HEATR5A: variants seen among roughly 807,000 people sequenced by gnomAD.
HEATR5A encodes the protein HEAT repeat-containing protein 5A.
A neutral mutation model predicts 218.8 loss-of-function variants in HEATR5A; 178 were observed. The observed-to-expected ratio is 0.81, with a 90% CI of 0.72 to 0.92. HEATR5A has a LOEUF of 0.92. Ranked by LOEUF, HEATR5A falls within the 40% of genes least tolerant of loss-of-function variation. The pLI is 0.00. For missense variants in HEATR5A, 2,420 were observed against 2,418.9 expected, an observed-to-expected ratio of 1.00 and a Z score of -0.01; for synonymous variants, 864 against 871.6, an observed-to-expected ratio of 0.99 and a Z score of 0.15.
intron 11 of HEATR5A, among the ~76,000 whole-genome samples, chr14:31,380,095 G>T (rs1339193259): frequency 6.6e-6 from 1 of 152,178 alleles, no homozygotes; most frequent in East Asian, 1.9e-4. Context: ...TATAGAACTG[G>T]ATTCCCAAGC....
At chr14:31,321,707 G>A (rs371633565) in intron 24 of HEATR5A, 27 bp from the exon 25 acceptor site, 2 of 1,476,352 alleles carry the variant, frequency 1.4e-6, no homozygotes, top group African/African-American at 1.4e-5. Flanking sequence ...CATATTGGGA[G>A]AAAAAAAGAT....
At chr14:31,360,080 T>C (rs1901567514) in intron 14 of HEATR5A, among the ~76,000 whole-genome samples, 1 of 150,368 alleles carries the variant, frequency 6.7e-6, no homozygotes, top group Non-Finnish European at 1.5e-5. Flanking sequence ...GAACATCAGG[T>C]ACCCATTCAG....
At position 31,380,586 on chromosome 14, in the gene HEATR5A, C is replaced by T; in HGVS notation, c.1597-8G>A. The T allele has an allele frequency of 6.5e-7, 1 of 1,534,608 alleles. No homozygotes were observed. Among genetic ancestry groups the T allele is most frequent in the South Asian group, 1.2e-5 (1 of 83,750 alleles). On this transcript the variant is annotated splice_region_variant and splice_polypyrimidine_tract_variant and intron_variant, in intron 10 of 35. Coordinates refer to ENST00000543095, the MANE Select transcript of HEATR5A (RefSeq NM_015473.4). ...TGCTAATGTCATAATAATCTATTTACATATAGAACAAGTTTTAAAAAAAGC... is the reference window on the plus strand; with the variant it reads ...TGCTAATGTCATAATAATCTATTTATATATAGAACAAGTTTTAAAAAAAGC...
intron 21 of HEATR5A, chr14:31,340,591 A>C: frequency 5.0e-6 from 3 of 604,178 alleles, no homozygotes; most frequent in Non-Finnish European, 7.6e-6. Context: ...TTATTATTTA[A>C]ATTGGCTTAG....
chr14:31,323,558 C>T lies in HEATR5A; in HGVS notation c.3787+7G>A, dbSNP rs1422523123. On this transcript the variant is annotated splice_region_variant and intron_variant, in intron 24 of 35. Transcript: ENST00000543095. ...TCATTTGGTGTTTTCATCACTATGT[C>T]ACTTACTTCTTGAATCTCTTTTTTT... is the stretch of plus-strand genomic sequence containing the variant. 1 of 1,581,422 alleles carries T rather than the reference C, an allele frequency of 6.3e-7. No homozygotes were observed. The highest frequency in any genetic ancestry group is 8.6e-7 in the Non-Finnish European group (1 of 1,161,996).
intron 18 of HEATR5A, among the ~76,000 whole-genome samples, chr14:31,349,196 T>G (rs1294987707): frequency 1.3e-5 from 2 of 152,034 alleles, no homozygotes; most frequent in Non-Finnish European, 1.5e-5. Context: ...GAGACCAGCC[T>G]GGCCAGCATG....
chr14:31,363,107 C>T lies in HEATR5A; in HGVS notation c.2071+1082G>A, dbSNP rs539623863. ...CAAAAAAATTAGCCAGGCATGGTAG[C>T]GCATGCCTGTAGTTCCAGCTACTCC... is the stretch of plus-strand genomic sequence containing the variant. On this transcript the variant is annotated intron_variant, in intron 14 of 35. Transcript: ENST00000543095. 7.9e-5 allele frequency among the ~76,000 whole-genome samples: 12 copies of T among 151,888 alleles called. No homozygotes were observed. The South Asian group carries it at 2.1e-3, about 26-fold the overall frequency.
chr14:31,322,619 G>A (rs184535189), intron 24 of HEATR5A, among the ~76,000 whole-genome samples: 294 of 152,086 alleles, frequency 1.9e-3, no homozygotes, highest in Non-Finnish European at 3.3e-3. Context: ...AGAAGTTTGA[G>A]ACAGCCTGGG....
chr14:31,301,900 C>G (rs927407678), intron 33 of HEATR5A, among the ~76,000 whole-genome samples: 2 of 150,808 alleles, frequency 1.3e-5, no homozygotes, highest in Admixed American at 6.6e-5. Context: ...TCCCTGAAAC[C>G]TCCACCTCCA....
At chr14:31,372,155 G>C (rs1040470504) in intron 12 of HEATR5A, among the ~76,000 whole-genome samples, 8 of 144,900 alleles carry the variant, frequency 5.5e-5, no homozygotes, top group Non-Finnish European at 4.5e-5. Flanking sequence ...AAATGCTGCT[G>C]TTCTAGGGTT....
chr14:31,364,968 G>A (rs1485060376), intron 13 of HEATR5A, among the ~76,000 whole-genome samples: 2 of 152,016 alleles, frequency 1.3e-5, no homozygotes, highest in Non-Finnish European at 2.9e-5. Flanking sequence ...TCCGCCTCCC[G>A]AGTTTAAGCA....
At chr14:31,360,348 A>T (rs114249626) in intron 14 of HEATR5A, among the ~76,000 whole-genome samples, 1,653 of 152,112 alleles carry the variant, frequency 0.011, 28 homozygotes, top group Admixed American at 0.043. Flanking sequence ...TGTACTTTTT[A>T]AAAAAAATAA....
At chr14:31,403,572 T>C (rs902958870) in intron 1 of HEATR5A, among the ~76,000 whole-genome samples, 2 of 152,208 alleles carry the variant, frequency 1.3e-5, no homozygotes, top group African/African-American at 4.8e-5. Flanking sequence ...AATAAAGGCA[T>C]TGCTTATAGT....
chr14:31,294,029 A>T lies in HEATR5A; in HGVS notation c.5695T>A (p.Tyr1899Asn). Residue 1899 changes from tyrosine to asparagine, a missense_variant, in exon 35 of 36, where the codon TAC becomes AAC. By Grantham distance (143) the Tyr-to-Asn change is moderately radical. Transcript: ENST00000543095. ...PNPAVSYPYI[Y>N]SLASCIMEKL... ...TCCATGATACAGGATGCTAAAGAGT[A>T]AATGTATGGGTAGGAAACAGCTGGA... 2 of 1,604,602 alleles carry T rather than the reference A, an allele frequency of 1.2e-6. No individual in the cohort carries two copies. Among genetic ancestry groups the T allele is most frequent in the Non-Finnish European group, 8.5e-7 (1 of 1,175,246 alleles).
In HEATR5A at chr14:31,383,553, A is replaced by G; in HGVS notation, c.1564T>C (p.Cys522Arg). The G allele has an allele frequency of 6.2e-7, 1 of 1,613,792 alleles. No individual in the cohort carries two copies. The highest frequency in any genetic ancestry group is 8.5e-7 in the Non-Finnish European group (1 of 1,179,714). The change falls in exon 10 of 36, where the codon TGT (cysteine) becomes CGT (arginine). Residue 522 changes from cysteine (C) to arginine (R), a missense_variant. Coordinates refer to ENST00000543095, the MANE Select transcript of HEATR5A (RefSeq NM_015473.4). Reference sequence around the variant, plus strand: ...TTTCCATGAGGAATTCCTAAAGGACAATGTTTTACTGCTCCCAACAAAGCT... The same window carrying G: ...TTTCCATGAGGAATTCCTAAAGGACGATGTTTTACTGCTCCCAACAAAGCT... ...VAALLGAVKHCPLGIPHGKGK... is the reference protein window; with the variant it reads ...VAALLGAVKHRPLGIPHGKGK...
At chr14:31,399,842 A>G (rs530946670) in intron 3 of HEATR5A, among the ~76,000 whole-genome samples, 30 of 152,192 alleles carry the variant, frequency 2.0e-4, no homozygotes, top group Non-Finnish European at 3.2e-4. Flanking sequence ...ACAGGAAAAA[A>G]AAGAAATATT....
Position 31,383,647 on chromosome 14 carries a change from A to G in HEATR5A, c.1470T>C (p.Arg490=). 6.2e-7 allele frequency: 1 copy of G among 1,614,002 alleles called. No individual in the cohort carries two copies. ...LPSYLTPLLD[R]CLERLTGHKS... ...TATGTCCAGTAAGCCGTTCAAGGCAACGATCCAAGAGTGGTGTTAGGTAGG... is the reference window on the plus strand; with the variant it reads ...TATGTCCAGTAAGCCGTTCAAGGCAGCGATCCAAGAGTGGTGTTAGGTAGG... Residue 490 remains arginine, a synonymous_variant, in exon 10 of 36, where the codon CGT becomes CGC. Coordinates refer to ENST00000543095, the MANE Select transcript of HEATR5A (RefSeq NM_015473.4).
intron 34 of HEATR5A, among the ~76,000 whole-genome samples, chr14:31,295,175 ATG>A (rs1219425344): frequency 6.6e-6 from 1 of 152,196 alleles, no homozygotes; most frequent in Non-Finnish European, 1.5e-5. Flanking sequence ...ACATAAAAGA[ATG>A]GGATAAATTT....
At chr14:31,337,346 T>C in intron 22 of HEATR5A, 130 bp downstream of exon 22, 1 of 734,582 alleles carries the variant, frequency 1.4e-6, no homozygotes. Flanking sequence ...GAATAACTGT[T>C]AGCAATTCTT....
Sources: allele counts gnomAD v4.1 joint callset (sites outside exome capture counted in the v4.1 genomes callset), GRCh38; gene constraint gnomAD v4.1.1; transcripts MANE v1.5; gene names NCBI Gene and HGNC (gene_info 2026-07-23, HGNC 2026-07-21).